DOCK5: variants seen among roughly 807,000 people sequenced by gnomAD.
DOCK5 encodes dedicator of cytokinesis protein 5.
DOCK5 carries 142 observed loss-of-function variants against 251.8 expected under a neutral mutation model. The ratio of observed to expected loss-of-function variants is 0.56; its 90% confidence interval spans 0.49 to 0.65. The LOEUF (loss-of-function observed/expected upper bound fraction) is 0.65, where lower values mean the gene tolerates loss of function less well. DOCK5 is among the 30% of genes least tolerant of loss of function. The pLI is 0.00. For synonymous variants in DOCK5, 842 were observed against 835.5 expected (o/e 1.01, Z -0.13); for missense variants, 2,111 against 2,312.3 (o/e 0.91, Z 1.79).
At chr8:25,270,754 T>G in intron 3 of DOCK5, 1 of 705,586 alleles carries the variant, frequency 1.4e-6, no homozygotes, top group Non-Finnish European at 2.6e-6. Context: ...AAGTATCCTA[T>G]GATTTTTTAA....
intron 1 of DOCK5, among the ~76,000 whole-genome samples, chr8:25,231,916 A>G (rs993198802): frequency 6.6e-6 from 1 of 152,096 alleles, no homozygotes; most frequent in Non-Finnish European, 1.5e-5. Flanking sequence ...TAAGATGATC[A>G]TATTTTTTTC....
At chr8:25,329,669 T>C (rs2465008) in intron 18 of DOCK5, among the ~76,000 whole-genome samples, 131,599 of 152,064 alleles carry the variant, frequency 0.87, 57,106 homozygotes, top group Middle Eastern at 0.95. Flanking sequence ...TAGTTTTCTA[T>C]CCCAGAGAAG....
At chr8:25,247,305 G>C (rs934037921) in intron 2 of DOCK5, among the ~76,000 whole-genome samples, 4 of 152,140 alleles carry the variant, frequency 2.6e-5, no homozygotes, top group African/African-American at 9.7e-5. Flanking sequence ...CATATCAATA[G>C]TAATTTTAAG....
intron 13 of DOCK5, 115 bp downstream of exon 13, chr8:25,310,647 T>A: frequency 1.6e-6 from 2 of 1,252,784 alleles, no homozygotes; most frequent in Non-Finnish European, 2.1e-6. Flanking sequence ...TCATTGGTCC[T>A]GAGACACCTG....
chr8:25,229,821 A>G (rs2117517014), intron 1 of DOCK5, among the ~76,000 whole-genome samples: 1 of 152,262 alleles, frequency 6.6e-6, no homozygotes, highest in East Asian at 1.9e-4. Flanking sequence ...ATTTGTTTTT[A>G]TTCCTCCACT....
chr8:25,317,326 C>A (rs1726162251), intron 14 of DOCK5, 195 bp downstream of exon 14: 2 of 603,256 alleles, frequency 3.3e-6, no homozygotes, highest in African/African-American at 1.8e-5. Context: ...CTCTTCTAGA[C>A]TCTTATTTTT....
At chr8:25,238,552 C>T (rs1802859481) in intron 1 of DOCK5, among the ~76,000 whole-genome samples, 1 of 152,162 alleles carries the variant, frequency 6.6e-6, no homozygotes, top group Non-Finnish European at 1.5e-5. Context: ...ACTTTTCATT[C>T]CAGTGAAAGG....
At chr8:25,234,854 C>A (rs1291388629) in intron 1 of DOCK5, among the ~76,000 whole-genome samples, 1 of 152,206 alleles carries the variant, frequency 6.6e-6, no homozygotes, top group Non-Finnish European at 1.5e-5. Flanking sequence ...GTCCATCAAC[C>A]ATTGCCTTGG....
In DOCK5 at chr8:25,197,575, C is replaced by CTTTTTT. The variant is rs541455591; in HGVS notation, c.43+12646_43+12651dup. 1.9e-3 allele frequency among the ~76,000 whole-genome samples: 207 copies of CTTTTTT among 108,256 alleles called. 32 individuals are homozygous for CTTTTTT. Among genetic ancestry groups the CTTTTTT allele is most frequent in the African/African-American group, 6.6e-3 (160 of 24,282 alleles). The allele number at this position is 108,256 out of a possible 152,430, so 71.0% of individuals were successfully genotyped here. A position where few individuals can be genotyped will look rare whatever the true frequency, so the allele number is the denominator to read the frequency against. ...CTCTCTTTAAGGATCGTGTCTTTGT[C>CTTTTTT]TTTTTTTTTTTTTTTTTTTTTTTTT... On this transcript the variant is annotated intron_variant, in intron 1 of 51. Transcript: ENST00000276440.
chr8:25,410,985 ACGCACG>A (rs1259299864), intron 51 of DOCK5, among the ~76,000 whole-genome samples: 4 of 118,984 alleles, frequency 3.4e-5, no homozygotes, highest in Non-Finnish European at 6.8e-5. Context: ...GCGCGCGCGC[ACGCACG>A]CACGCACGCA....
In DOCK5 at chr8:25,296,528, T is replaced by A; in HGVS notation, c.486T>A (p.Asp162Glu). 1 of 1,610,258 alleles carries A rather than the reference T, an allele frequency of 6.2e-7. No individual in the cohort carries two copies. Among genetic ancestry groups the A allele is most frequent in the Non-Finnish European group, 8.5e-7 (1 of 1,178,328 alleles). The change falls in exon 7 of 52, where the codon GAT (aspartate) becomes GAA (glutamate). Residue 162 changes from aspartate (D) to glutamate (E), a missense_variant. By Grantham distance (45) the Asp-to-Glu change is conservative. Transcript: ENST00000276440. Reference protein sequence around the residue: ...IDHGNRMLGLDLVVRDDNGNI... With the variant: ...IDHGNRMLGLELVVRDDNGNI... ...TTCTCTCCAGAATGCTGGGGTTAGATCTGGTGGTGCGAGATGACAATGGGA... is the reference window on the plus strand; with the variant it reads ...TTCTCTCCAGAATGCTGGGGTTAGAACTGGTGGTGCGAGATGACAATGGGA...
At position 25,246,711 on chromosome 8, in the gene DOCK5, T is replaced by C. The variant is rs1395143516; in HGVS notation, c.127+2954T>C. Among the ~76,000 whole-genome samples the C allele has an allele frequency of 8.4e-4, 80 of 95,514 alleles. 1 individual carries two copies. The highest frequency in any genetic ancestry group is 4.6e-3 in the African/African-American group (80 of 17,502). 62.7% of individuals were successfully genotyped at this position (95,514 alleles called of 152,430 possible). On this transcript the variant is annotated intron_variant, in intron 2 of 51. Coordinates refer to ENST00000276440, the MANE Select transcript of DOCK5 (RefSeq NM_024940.8). ...CTTCACTGCCATGTTAGTTTGTGTG[T>C]GTGTGTGTGTGTGTGTGTGTGTGTG...
chr8:25,236,760 G>GTTT (rs111913006), intron 1 of DOCK5, among the ~76,000 whole-genome samples: 1 of 147,042 alleles, frequency 6.8e-6, no homozygotes, highest in African/African-American at 2.5e-5. Context: ...TTTTTGTGTG[G>GTTT]TTTTTTTTTT....
chr8:25,374,256 A>T (rs1800924530), intron 36 of DOCK5, among the ~76,000 whole-genome samples: 1 of 152,108 alleles, frequency 6.6e-6, no homozygotes, highest in African/African-American at 2.4e-5. Flanking sequence ...TCAGGCAGGG[A>T]AGCAGGCTGG....
At chr8:25,364,155 T>G (rs1800736570) in intron 29 of DOCK5, among the ~76,000 whole-genome samples, 1 of 152,162 alleles carries the variant, frequency 6.6e-6, no homozygotes, top group Admixed American at 6.5e-5. Flanking sequence ...GTGTTAGAGT[T>G]TAATGAGATA....
At chr8:25,358,634 A>G (rs754108008) in intron 27 of DOCK5, among the ~76,000 whole-genome samples, 3 of 152,184 alleles carry the variant, frequency 2.0e-5, no homozygotes, top group Non-Finnish European at 4.4e-5. Flanking sequence ...ATGGAATTCT[A>G]TACTACAGCT....
At chr8:25,263,432 A>T (rs968711325) in intron 2 of DOCK5, among the ~76,000 whole-genome samples, 4 of 151,918 alleles carry the variant, frequency 2.6e-5, no homozygotes, top group African/African-American at 7.3e-5. Context: ...GATACCTTCA[A>T]TCCCAATCCG....
intron 13 of DOCK5, among the ~76,000 whole-genome samples, chr8:25,315,912 G>T (rs1037591560): frequency 6.6e-6 from 1 of 152,172 alleles, no homozygotes; most frequent in African/African-American, 2.4e-5. Context: ...TTCTTATAGT[G>T]TTAAAAGGTT....
intron 13 of DOCK5, among the ~76,000 whole-genome samples, chr8:25,312,046 G>T (rs1013519709): frequency 6.6e-6 from 1 of 152,152 alleles, no homozygotes; most frequent in Non-Finnish European, 1.5e-5. Context: ...TCTTAAATGA[G>T]TATTTGTGGA....
Sources: gnomAD v4.1 joint callset for allele counts (sites outside exome capture counted in the v4.1 genomes callset) on GRCh38, gnomAD v4.1.1 for gene constraint, MANE v1.5 for transcripts, NCBI Gene and HGNC (gene_info 2026-07-23, HGNC 2026-07-21) for gene names.